The following FAM184A variants were observed in gnomAD, a reference collection of about 807,000 sequenced individuals.
FAM184A encodes the protein family with sequence similarity 184 member A.
Under a neutral mutation model 143.8 loss-of-function variants are expected in FAM184A, and 99 were observed. The ratio of observed to expected loss-of-function variants is 0.69; its 90% CI spans 0.58 to 0.81. FAM184A has a LOEUF of 0.81. Among genes scored for constraint, FAM184A ranks in the 40% least tolerant of loss-of-function variants. The probability of loss-of-function intolerance (pLI) is 0.00; values close to 1 mark genes in which losing one functional copy is unlikely to be tolerated. For missense variants in FAM184A, 1,217 were observed against 1,310.5 expected, an observed-to-expected ratio of 0.93 and a Z score of 1.10; for synonymous variants, 427 against 446.4, an observed-to-expected ratio of 0.96 and a Z score of 0.55.
intron 1 of FAM184A, among the ~76,000 whole-genome samples, chr6:119,044,678 C>T (rs1020587767): frequency 6.6e-6 from 1 of 151,734 alleles, no homozygotes; most frequent in African/African-American, 2.4e-5. Context: ...GAAAACAATT[C>T]CAATTACCTG....
At chr6:119,119,881 GGCTGAGTTGAGAGGATT>G (rs1789165668) in intron 1 of FAM184A, among the ~76,000 whole-genome samples, 1 of 152,124 alleles carries the variant, frequency 6.6e-6, no homozygotes, top group Non-Finnish European at 1.5e-5. Flanking sequence ...AGTCCCAGGA[GGCTGAGTTGAGAGGATT>G]GCTTGAGCCC....
chr6:119,038,517 C>G (rs895666632), intron 1 of FAM184A, among the ~76,000 whole-genome samples: 2 of 152,126 alleles, frequency 1.3e-5, no homozygotes, highest in Admixed American at 6.5e-5. Flanking sequence ...GTCCTCACTG[C>G]AACACTCCCA....
At chr6:119,144,346 A>G (rs1582653510) in intron 1 of FAM184A, among the ~76,000 whole-genome samples, 1 of 152,134 alleles carries the variant, frequency 6.6e-6, no homozygotes, top group East Asian at 1.9e-4. Context: ...AAAAAAAAAA[A>G]AAAAAAGAAA....
chr6:119,113,599 G>A (rs966948722), intron 1 of FAM184A, among the ~76,000 whole-genome samples: 1 of 151,872 alleles, frequency 6.6e-6, no homozygotes, highest in South Asian at 2.1e-4. Context: ...AAATAGGTGA[G>A]TACAGTACAA....
chr6:119,117,061 C>G (rs1369584117), intron 1 of FAM184A, among the ~76,000 whole-genome samples: 1 of 152,104 alleles, frequency 6.6e-6, no homozygotes, highest in Non-Finnish European at 1.5e-5. Flanking sequence ...GGTGAGTGAC[C>G]AAGTAGAACT....
intron 9 of FAM184A, among the ~76,000 whole-genome samples, chr6:118,989,529 A>C (rs1784301395): frequency 6.6e-6 from 1 of 152,012 alleles, no homozygotes; most frequent in African/African-American, 2.4e-5. Context: ...TTTTTATTGG[A>C]AAATAATTTT....
At chr6:119,082,869 C>A (rs1788110499), upstream of FAM184A, among the ~76,000 whole-genome samples, 1 of 152,196 alleles carries the variant, frequency 6.6e-6, no homozygotes, top group Non-Finnish European at 1.5e-5. Flanking sequence ...CTAGGCAGTA[C>A]CCCAGTGGGG....
At chr6:118,965,194 T>A (rs1783461682) in intron 15 of FAM184A, among the ~76,000 whole-genome samples, 1 of 105,932 alleles carries the variant, frequency 9.4e-6, no homozygotes, top group Admixed American at 1.3e-4. Context: ...CCAGCTAAGT[T>A]TTTTTTGTTT....
intron 9 of FAM184A, among the ~76,000 whole-genome samples, chr6:118,992,382 G>GA (rs1784406574): frequency 6.6e-6 from 1 of 152,186 alleles, no homozygotes; most frequent in South Asian, 2.1e-4. Flanking sequence ...TTCATGTGTT[G>GA]AAAGCCTAAC....
At chr6:119,079,959 G>T (rs894888540), upstream of FAM184A, among the ~76,000 whole-genome samples, 1 of 152,132 alleles carries the variant, frequency 6.6e-6, no homozygotes, top group African/African-American at 2.4e-5. Flanking sequence ...TGGAGCATAT[G>T]GCCAGAAACA....
chr6:118,974,604 G>T (rs776717707), intron 13 of FAM184A, 30 bp from the exon 14 acceptor site: 1 of 1,555,822 alleles, frequency 6.4e-7, no homozygotes, highest in Non-Finnish European at 8.7e-7. Flanking sequence ...TTAAGAAAAT[G>T]TTATTCTGAA....
chr6:119,113,136 C>G (rs1788974403), intron 1 of FAM184A, among the ~76,000 whole-genome samples: 2 of 152,172 alleles, frequency 1.3e-5, no homozygotes, highest in Admixed American at 1.3e-4. Flanking sequence ...ATTTCTGTGG[C>G]ATGGCCATTG....
At chr6:119,009,366 C>T (rs1054652010) in intron 6 of FAM184A, among the ~76,000 whole-genome samples, 9 of 151,990 alleles carry the variant, frequency 5.9e-5, no homozygotes, top group African/African-American at 1.7e-4. Context: ...GTCTTTCCTG[C>T]GCTGTTCTTG....
chr6:119,108,334 A>G (rs1788843070), intron 1 of FAM184A, among the ~76,000 whole-genome samples: 1 of 152,142 alleles, frequency 6.6e-6, no homozygotes, highest in Non-Finnish European at 1.5e-5. Context: ...GAGTGGAACC[A>G]TCACCAAGAA....
intron 1 of FAM184A, among the ~76,000 whole-genome samples, chr6:119,027,618 T>C (rs930005879): frequency 1.3e-5 from 2 of 152,170 alleles, no homozygotes; most frequent in Non-Finnish European, 2.9e-5. Flanking sequence ...GGTAATTCAG[T>C]AACTTGTTAA....
At chr6:119,133,492 G>A (rs1259251834) in intron 1 of FAM184A, among the ~76,000 whole-genome samples, 1 of 152,066 alleles carries the variant, frequency 6.6e-6, no homozygotes, top group Non-Finnish European at 1.5e-5. Flanking sequence ...AGAGCCAAGG[G>A]AAAGCCTCAG....
intron 1 of FAM184A, among the ~76,000 whole-genome samples, chr6:119,051,697 G>GA (rs1231420548): frequency 4.0e-5 from 6 of 150,686 alleles, no homozygotes; most frequent in South Asian, 2.1e-4. Flanking sequence ...TGCCAAAAAA[G>GA]AAAAAAAAGA....
At chr6:119,142,588 G>T (rs889227161) in intron 1 of FAM184A, among the ~76,000 whole-genome samples, 2 of 152,146 alleles carry the variant, frequency 1.3e-5, no homozygotes, top group Admixed American at 6.5e-5. Flanking sequence ...ACAGGGAGAA[G>T]GACGTTCTTG....
chr6:119,006,248 G>A (rs901868845), intron 7 of FAM184A, 199 bp downstream of exon 7: 36 of 750,724 alleles, frequency 4.8e-5, no homozygotes, highest in Non-Finnish European at 8.5e-5. Context: ...CCTTGATGTT[G>A]GACTTCTAGC....
Sources: allele counts gnomAD v4.1 joint callset (sites outside exome capture counted in the v4.1 genomes callset), GRCh38; gene constraint gnomAD v4.1.1; transcripts MANE v1.5; gene names NCBI Gene and HGNC (gene_info 2026-07-23, HGNC 2026-07-21).